Variants in PRKN observed in about 807,000 individuals in gnomAD.
The protein encoded by PRKN is E3 ubiquitin-protein ligase parkin.
PRKN carries 56 observed loss-of-function variants against 59.5 expected under a neutral mutation model. The ratio of observed to expected loss-of-function variants is 0.94; its 90% confidence interval spans 0.76 to 1.18. PRKN has a LOEUF of 1.18. Ranked by LOEUF, PRKN falls within the 50% of genes most tolerant of loss-of-function variation. The pLI, the probability that PRKN is intolerant of heterozygous loss-of-function variation, is 0.00. For synonymous variants in PRKN, 250 were observed against 222.1 expected, an observed-to-expected ratio of 1.13 and a Z score of -1.12; for missense variants, 657 against 596.4, an observed-to-expected ratio of 1.10 and a Z score of -1.06.
At chr6:161,767,473 G>C (rs917214995) in intron 7 of PRKN, among the ~76,000 whole-genome samples, 3 of 151,400 alleles carry the variant, frequency 2.0e-5, no homozygotes, top group South Asian at 2.1e-4. Context: ...GCCAAGATCA[G>C]GCCACTGCAC....
chr6:162,641,634 A>G (rs1033103101), intron 1 of PRKN, among the ~76,000 whole-genome samples: 7 of 152,294 alleles, frequency 4.6e-5, no homozygotes, highest in Admixed American at 3.3e-4. Context: ...GGTCCACACA[A>G]AGTTGAGATG....
chr6:161,861,687 C>T (rs1032059781), intron 6 of PRKN, among the ~76,000 whole-genome samples: 6 of 151,462 alleles, frequency 4.0e-5, no homozygotes, highest in East Asian at 1.9e-4. Flanking sequence ...GCAGATAATC[C>T]CCAAATCCTA....
rs1002599947 is a variant in PRKN at position 161,356,841 on chromosome 6, G to A, written c.1285+3247C>T. On this transcript the variant is annotated intron_variant, in intron 11 of 11. Coordinates refer to ENST00000366898, the MANE Select transcript of PRKN (RefSeq NM_004562.3). This position sits in a 1 kb window ranked among gnomAD's most constrained non-coding sequence, Gnocchi z 7.8. ...AAGGAAGCAGCTGGCTATTGGAGTCGGACCGAGGGGCGAGATGAGGGTGGG... is the reference window on the plus strand; with the variant it reads ...AAGGAAGCAGCTGGCTATTGGAGTCAGACCGAGGGGCGAGATGAGGGTGGG... Among the ~76,000 whole-genome samples the A allele has an allele frequency of 4.6e-5, 7 of 152,032 alleles. No homozygotes were observed. Among genetic ancestry groups the A allele is most frequent in the East Asian group, 3.9e-4 (2 of 5,168 alleles).
chr6:161,598,391 A>G (rs1042955119), intron 7 of PRKN, among the ~76,000 whole-genome samples: 4 of 152,312 alleles, frequency 2.6e-5, no homozygotes, highest in Admixed American at 1.3e-4. Context: ...AATGTTAATT[A>G]TAAGAGAGAG....
At chr6:162,120,190 G>C (rs1366264047) in intron 4 of PRKN, among the ~76,000 whole-genome samples, 1 of 152,124 alleles carries the variant, frequency 6.6e-6, no homozygotes, top group Non-Finnish European at 1.5e-5. Context: ...TTTTTGCAGA[G>C]ACAAGGTTTC....
chr6:162,448,894 C>CCTCTCTCTCTCTCTCCCTTCCTCT (rs1790453295), intron 1 of PRKN, among the ~76,000 whole-genome samples: 1 of 141,372 alleles, frequency 7.1e-6, no homozygotes, highest in Non-Finnish European at 1.5e-5. Flanking sequence ...TCTCTCCCTT[C>CCTCTCTCTCTCTCTCCCTTCCTCT]CTCTCTCTCT....
chr6:162,000,455 T>A (rs1444887607), intron 5 of PRKN, among the ~76,000 whole-genome samples: 1 of 152,170 alleles, frequency 6.6e-6, no homozygotes, highest in Non-Finnish European at 1.5e-5. Flanking sequence ...TATATCTTCC[T>A]TGAGAAGTAT....
chr6:161,478,064 G>A (rs11970190), intron 9 of PRKN, among the ~76,000 whole-genome samples: 1,942 of 152,318 alleles, frequency 0.013, 34 homozygotes, highest in African/African-American at 0.044. Context: ...ACAATAAAAT[G>A]ACAATATACA....
At chr6:161,745,725 AG>A (rs1788387710) in intron 7 of PRKN, among the ~76,000 whole-genome samples, 1 of 152,174 alleles carries the variant, frequency 6.6e-6, no homozygotes, top group African/African-American at 2.4e-5. Context: ...GCAGACGGCA[AG>A]GGGAGGATTC....
chr6:162,117,875 T>C (rs1242741596), intron 4 of PRKN, among the ~76,000 whole-genome samples: 1 of 151,980 alleles, frequency 6.6e-6, no homozygotes, highest in Non-Finnish European at 1.5e-5. Context: ...GATGGGTGGA[T>C]TGCCTGAGGT....
chr6:162,486,125 C>G (rs1349814869), intron 1 of PRKN, among the ~76,000 whole-genome samples: 1 of 152,186 alleles, frequency 6.6e-6, no homozygotes. Context: ...CTCCACCCAA[C>G]CCCCTCCTAA....
At chr6:161,748,627 G>C (rs888134952) in intron 7 of PRKN, among the ~76,000 whole-genome samples, 1 of 152,044 alleles carries the variant, frequency 6.6e-6, no homozygotes, top group Admixed American at 6.5e-5. Context: ...TCCAGGCAAG[G>C]GGCACTTGTC....
intron 7 of PRKN, among the ~76,000 whole-genome samples, chr6:161,721,767 C>T (rs1787233146): frequency 6.6e-6 from 1 of 152,022 alleles, no homozygotes; most frequent in Non-Finnish European, 1.5e-5. Context: ...ATGGTGTCAC[C>T]CCTACTCGGT....
rs1779719122 is a variant in PRKN at position 161,544,307 on chromosome 6, T to C, written c.1083+4547A>G. Among the ~76,000 whole-genome samples, 1 of 152,210 alleles carries C rather than the reference T, an allele frequency of 6.6e-6. No homozygotes were observed. The highest frequency in any genetic ancestry group is 2.4e-5 in the African/African-American group (1 of 41,458). On this transcript the variant is annotated intron_variant, in intron 9 of 11. Transcript: ENST00000366898. This position sits in a 1 kb window ranked among gnomAD's most constrained non-coding sequence, Gnocchi z 5.5. ...ATAGTGTTATTTTGGTTTTCTGAATTATATACTATGTGTGCTATTAAAACA... is the reference window on the plus strand; with the variant it reads ...ATAGTGTTATTTTGGTTTTCTGAATCATATACTATGTGTGCTATTAAAACA...
chr6:162,316,497 T>C (rs1331449243), intron 2 of PRKN, among the ~76,000 whole-genome samples: 1 of 152,182 alleles, frequency 6.6e-6, no homozygotes, highest in Non-Finnish European at 1.5e-5. Flanking sequence ...TTTATGACTT[T>C]TTATAAGCTA....
intron 3 of PRKN, among the ~76,000 whole-genome samples, chr6:162,213,847 A>G (rs890558543): frequency 6.9e-6 from 1 of 145,376 alleles, no homozygotes; most frequent in Non-Finnish European, 1.5e-5. Flanking sequence ...ACACACACAC[A>G]CACACACACA....
intron 1 of PRKN, among the ~76,000 whole-genome samples, chr6:162,505,033 G>A (rs1332984015): frequency 2.0e-5 from 3 of 152,098 alleles, no homozygotes; most frequent in Non-Finnish European, 2.9e-5. Flanking sequence ...CTAAGATTCC[G>A]AAGATACTAA....
intron 4 of PRKN, among the ~76,000 whole-genome samples, chr6:162,166,047 C>CAAAAAAAAAAAAAAAAAAAAAAAAAA (rs10557222): frequency 1.2e-5 from 1 of 80,198 alleles, no homozygotes; most frequent in Non-Finnish European, 2.4e-5. Flanking sequence ...GACTCTATCT[C>CAAAAAAAAAAAAAAAAAAAAAAAAAA]AAAAAAAAAA....
chr6:162,584,427 T>G (rs1380638323), intron 1 of PRKN, among the ~76,000 whole-genome samples: 1 of 151,894 alleles, frequency 6.6e-6, no homozygotes, highest in East Asian at 1.9e-4. Flanking sequence ...TTCAGAAAAA[T>G]TAGAATTCCT....
Sources: allele counts gnomAD v4.1 joint callset (sites outside exome capture counted in the v4.1 genomes callset), GRCh38; gene constraint gnomAD v4.1.1; non-coding constraint Gnocchi (gnomAD v3.1); transcripts MANE v1.5; gene names NCBI Gene and HGNC (gene_info 2026-07-23, HGNC 2026-07-21).